DAB1: variants seen among roughly 807,000 people sequenced by gnomAD.
DAB1 encodes the protein disabled homolog 1.
A neutral mutation model predicts 64.6 loss-of-function variants in DAB1; 15 were observed. The ratio of observed to expected loss-of-function variants is 0.23; its 90% CI spans 0.16 to 0.36. DAB1 has a LOEUF of 0.36. Among genes scored for constraint, DAB1 ranks in the 10% least tolerant of loss-of-function variants. The pLI is 1.00. For synonymous variants in DAB1, 235 were observed against 251.9 expected (o/e 0.93, Z 0.64); for missense variants, 596 against 706.7 (o/e 0.84, Z 1.78).
intron 6 of DAB1, among the ~76,000 whole-genome samples, chr1:57,793,506 T>C (rs553141259): frequency 2.0e-5 from 3 of 152,080 alleles, no homozygotes; most frequent in African/African-American, 4.8e-5. Flanking sequence ...TTTACAGTAT[T>C]CCTCTCTGCT....
intron 4 of DAB1, among the ~76,000 whole-genome samples, chr1:58,274,655 G>A (rs779006215): frequency 4.6e-5 from 7 of 152,096 alleles, no homozygotes; most frequent in South Asian, 2.1e-4. Flanking sequence ...AGCAGTCAGC[G>A]AGATTCCGTG....
chr1:57,238,685 T>C (rs1668268991), intron 2 of DAB1, among the ~76,000 whole-genome samples: 1 of 152,174 alleles, frequency 6.6e-6, no homozygotes, highest in Admixed American at 6.5e-5. Flanking sequence ...CCAGGGCATC[T>C]GCACTTCACT....
At position 57,703,131 on chromosome 1, in the gene DAB1, A is replaced by C. The variant is rs550013044; in HGVS notation, n.552-53466T>G. Among the ~76,000 whole-genome samples the C allele has an allele frequency of 2.6e-5, 4 of 152,338 alleles. No individual in the cohort carries two copies. In the South Asian group the frequency reaches 8.3e-4, roughly 32 times the overall value. On this transcript the variant is annotated intron_variant and non_coding_transcript_variant, in intron 6 of 20. Transcript: ENST00000485760. ...TACCATTCAGGATATAGACAAGGAA[A>C]AAGATTTTGTGATGAAGCCACCAAA... is the stretch of plus-strand genomic sequence containing the variant.
chr1:57,321,486 C>A (rs905556711), intron 1 of DAB1, among the ~76,000 whole-genome samples: 2 of 140,700 alleles, frequency 1.4e-5, no homozygotes, highest in African/African-American at 5.1e-5. Flanking sequence ...ACTCTTTCGA[C>A]TCCCAAGCCT....
chr1:57,469,046 A>T (rs954399698), intron 7 of DAB1, among the ~76,000 whole-genome samples: 3 of 152,210 alleles, frequency 2.0e-5, no homozygotes, highest in African/African-American at 7.2e-5. Context: ...GAAGATGAAG[A>T]ACTCTGTCTG....
At chr1:57,404,399 A>C (rs1683473497) in intron 1 of DAB1, among the ~76,000 whole-genome samples, 1 of 152,242 alleles carries the variant, frequency 6.6e-6, no homozygotes, top group African/African-American at 2.4e-5. Context: ...AATAGCAGAT[A>C]AAATAGATGA....
At chr1:57,755,979 T>C (rs926004746) in intron 6 of DAB1, among the ~76,000 whole-genome samples, 1 of 152,206 alleles carries the variant, frequency 6.6e-6, no homozygotes. Flanking sequence ...CTGCATCATG[T>C]GGCAAAGAAC....
intron 14 of DAB1, among the ~76,000 whole-genome samples, chr1:57,003,191 T>A (rs2100219147): frequency 6.6e-6 from 1 of 152,356 alleles, no homozygotes; most frequent in Non-Finnish European, 1.5e-5. Context: ...GCCCTGTGGA[T>A]AACAGAAACT....
At chr1:57,297,246 A>T (rs959638913) in intron 1 of DAB1, among the ~76,000 whole-genome samples, 1 of 152,208 alleles carries the variant, frequency 6.6e-6, no homozygotes, top group African/African-American at 2.4e-5. Context: ...TATACAGGAT[A>T]TTGTACTGGA....
intron 7 of DAB1, among the ~76,000 whole-genome samples, chr1:57,555,249 G>A (rs187868828): frequency 4.0e-5 from 6 of 151,656 alleles, no homozygotes; most frequent in Non-Finnish European, 8.8e-5. Flanking sequence ...TGGCCAGGAT[G>A]GTCTCCATCT....
At chr1:58,236,313 C>T (rs1660037461) in intron 4 of DAB1, among the ~76,000 whole-genome samples, 2 of 152,270 alleles carry the variant, frequency 1.3e-5, no homozygotes, top group Middle Eastern at 3.4e-3. Context: ...CGCACAGTAA[C>T]AGCTCATTTA....
intron 4 of DAB1, among the ~76,000 whole-genome samples, chr1:58,154,617 C>T (rs1016314745): frequency 5.9e-5 from 9 of 152,040 alleles, no homozygotes; most frequent in Non-Finnish European, 1.2e-4. Context: ...GTACCAAGTA[C>T]CAGGAGACTA....
intron 1 of DAB1, among the ~76,000 whole-genome samples, chr1:57,338,920 C>T (rs917780473): frequency 1.3e-5 from 2 of 152,064 alleles, no homozygotes; most frequent in African/African-American, 2.4e-5. Context: ...TATTTAGAAG[C>T]TATAAGTCCG....
At chr1:58,546,277 C>A (rs1646703033) in intron 1 of DAB1, among the ~76,000 whole-genome samples, 1 of 152,226 alleles carries the variant, frequency 6.6e-6, no homozygotes. Flanking sequence ...GGGAGGCGGT[C>A]CCCTCTGGCA....
intron 3 of DAB1, among the ~76,000 whole-genome samples, chr1:58,472,015 G>A (rs1458781178): frequency 6.6e-6 from 1 of 152,220 alleles, no homozygotes; most frequent in African/African-American, 2.4e-5. Context: ...AAAGTGTTTA[G>A]TAGAGTTCCC....
At chr1:57,943,423 T>C (rs1304145093) in intron 5 of DAB1, among the ~76,000 whole-genome samples, 3 of 152,204 alleles carry the variant, frequency 2.0e-5, no homozygotes, top group Admixed American at 1.3e-4. Context: ...GAGGCCTAAA[T>C]GGATGTGGCC....
At chr1:57,243,307 G>A (rs1230556755) in intron 2 of DAB1, among the ~76,000 whole-genome samples, 1 of 152,144 alleles carries the variant, frequency 6.6e-6, no homozygotes, top group African/African-American at 2.4e-5. Context: ...GCTGAGAGAT[G>A]TACTTGAGAA....
At chr1:57,420,695 C>A (rs371438334) in intron 1 of DAB1, among the ~76,000 whole-genome samples, 1 of 152,048 alleles carries the variant, frequency 6.6e-6, no homozygotes, top group East Asian at 1.9e-4. Context: ...GCCAAAGCAC[C>A]CAATCATATG....
chr1:57,619,639 T>C (rs1311838916), intron 7 of DAB1, among the ~76,000 whole-genome samples: 2 of 152,116 alleles, frequency 1.3e-5, no homozygotes, highest in Admixed American at 6.5e-5. Context: ...TGGGCTCAAG[T>C]GTTTCTCCCC....
Sources: allele counts gnomAD v4.1 joint callset (sites outside exome capture counted in the v4.1 genomes callset), GRCh38; gene constraint gnomAD v4.1.1; transcripts MANE v1.5; gene names NCBI Gene and HGNC (gene_info 2026-07-23, HGNC 2026-07-21).